Variants in SLC24A2 observed in about 807,000 individuals in gnomAD.
SLC24A2 encodes sodium/potassium/calcium exchanger 2.
SLC24A2 carries 36 observed loss-of-function variants against 62.0 expected under a neutral mutation model. The observed-to-expected ratio is 0.58, with a 90% CI of 0.44 to 0.77. The LOEUF is 0.77. Ranked by LOEUF, SLC24A2 falls within the 30% of genes least tolerant of loss-of-function variation. SLC24A2 has a pLI of 0.00. For synonymous variants in SLC24A2, 358 were observed against 294.0 expected (o/e 1.22, Z -2.23); for missense variants, 846 against 817.9 (o/e 1.03, Z -0.42).
chr9:20,190,700 A>T, the SLC24A2 span, among the ~76,000 whole-genome samples: 1 of 152,206 alleles, frequency 6.6e-6, no homozygotes, highest in South Asian at 2.1e-4. Context: ...TTTCTGTATT[A>T]GTCATGAGCT....
At chr9:20,199,464 G>T in the SLC24A2 span, among the ~76,000 whole-genome samples, 2 of 152,028 alleles carry the variant, frequency 1.3e-5, no homozygotes, top group African/African-American at 2.4e-5. Flanking sequence ...GCATCTGGGG[G>T]GTGTCCTAAT....
At chr9:20,244,077 C>T in the SLC24A2 span, among the ~76,000 whole-genome samples, 3 of 152,178 alleles carry the variant, frequency 2.0e-5, no homozygotes, top group African/African-American at 7.2e-5. Flanking sequence ...AAAGTTAATC[C>T]ATGGAGTCTG....
chr9:20,164,172 A>C, the SLC24A2 span, among the ~76,000 whole-genome samples: 1 of 152,320 alleles, frequency 6.6e-6, no homozygotes, highest in East Asian at 1.9e-4. Context: ...CAGCAAAAGA[A>C]GCTACCATCC....
chr9:19,762,540 T>C (rs1822369410), intron 2 of SLC24A2, among the ~76,000 whole-genome samples: 1 of 152,334 alleles, frequency 6.6e-6, no homozygotes, highest in African/African-American at 2.4e-5. Context: ...TAGCCAGTTT[T>C]CCCAACACCA....
At chr9:20,107,509 G>GGAACA in the SLC24A2 span, among the ~76,000 whole-genome samples, 1 of 152,026 alleles carries the variant, frequency 6.6e-6, no homozygotes, top group Non-Finnish European at 1.5e-5. Flanking sequence ...ATAGATCAAT[G>GGAACA]GAACAGAACA....
the SLC24A2 span, among the ~76,000 whole-genome samples, chr9:20,016,725 C>T: frequency 1.6e-3 from 242 of 152,118 alleles, no homozygotes; most frequent in African/African-American, 5.7e-3. Context: ...AAACCTACAA[C>T]TACACACACA....
chr9:19,715,150 T>G (rs1473744576), intron 2 of SLC24A2, among the ~76,000 whole-genome samples: 1 of 152,182 alleles, frequency 6.6e-6, no homozygotes, highest in Admixed American at 6.5e-5. Context: ...TTTGAAGTAT[T>G]TCCCAATGTC....
chr9:19,531,301 A>C (rs1038595824), intron 8 of SLC24A2, among the ~76,000 whole-genome samples: 1 of 152,184 alleles, frequency 6.6e-6, no homozygotes, highest in Admixed American at 6.5e-5. Context: ...ATCTCTGCCC[A>C]GTAGCAACTG....
chr9:20,030,832 G>A, the SLC24A2 span, among the ~76,000 whole-genome samples: 1 of 152,198 alleles, frequency 6.6e-6, no homozygotes, highest in African/African-American at 2.4e-5. Flanking sequence ...AGAGTGGAGA[G>A]AGATGAGGAA....
the SLC24A2 span, among the ~76,000 whole-genome samples, chr9:20,160,879 C>T: frequency 6.0e-5 from 9 of 149,276 alleles, no homozygotes; most frequent in East Asian, 2.0e-4. Context: ...AAAGAAAACA[C>T]AAAAAAGATC....
At chr9:19,595,516 G>A (rs1446973692) in intron 5 of SLC24A2, among the ~76,000 whole-genome samples, 2 of 152,178 alleles carry the variant, frequency 1.3e-5, no homozygotes, top group Non-Finnish European at 2.9e-5. Context: ...GTTTTGCTCA[G>A]GGCCAGCCAT....
intron 2 of SLC24A2, among the ~76,000 whole-genome samples, chr9:19,644,728 TG>T (rs1380773973): frequency 6.7e-6 from 1 of 149,850 alleles, no homozygotes; most frequent in African/African-American, 2.6e-5. Flanking sequence ...AACAAGTTCA[TG>T]TTTTTTTTTA....
At chr9:20,224,547 C>T in the SLC24A2 span, among the ~76,000 whole-genome samples, 7 of 152,064 alleles carry the variant, frequency 4.6e-5, no homozygotes, top group Admixed American at 2.0e-4. Context: ...GTTATATCTG[C>T]TATTGTAGAA....
the SLC24A2 span, among the ~76,000 whole-genome samples, chr9:20,030,849 A>C: frequency 2.0e-5 from 3 of 152,158 alleles, no homozygotes; most frequent in Admixed American, 6.5e-5. Flanking sequence ...GGAAGTTGCA[A>C]ATGTAGTATC....
the SLC24A2 span, among the ~76,000 whole-genome samples, chr9:20,103,011 G>C: frequency 6.6e-6 from 1 of 152,158 alleles, no homozygotes; most frequent in East Asian, 1.9e-4. Context: ...GCGCTTTTCC[G>C]ATGGGCTTAA....
the SLC24A2 span, among the ~76,000 whole-genome samples, chr9:19,882,697 A>G: frequency 6.6e-6 from 1 of 151,480 alleles, no homozygotes; most frequent in African/African-American, 2.4e-5. Context: ...ATAGGTTTCC[A>G]CCACCCAGTC....
At chr9:19,930,628 G>A in the SLC24A2 span, among the ~76,000 whole-genome samples, 2 of 152,164 alleles carry the variant, frequency 1.3e-5, no homozygotes, top group Non-Finnish European at 2.9e-5. Context: ...TTTGTGGGAA[G>A]CAATGGATGC....
chr9:20,063,674 T>C, the SLC24A2 span, among the ~76,000 whole-genome samples: 1 of 152,120 alleles, frequency 6.6e-6, no homozygotes, highest in Non-Finnish European at 1.5e-5. Context: ...GACTTGTATC[T>C]AGAATATAAA....
At chr9:20,145,772 C>T in the SLC24A2 span, among the ~76,000 whole-genome samples, 921 of 151,954 alleles carry the variant, frequency 6.1e-3, 11 homozygotes, top group African/African-American at 0.019. Flanking sequence ...ATTTGATATA[C>T]AAGCACATAT....
Sources: gnomAD v4.1 joint callset for allele counts (sites outside exome capture counted in the v4.1 genomes callset) on GRCh38, gnomAD v4.1.1 for gene constraint, MANE v1.5 for transcripts, NCBI Gene and HGNC (gene_info 2026-07-23, HGNC 2026-07-21) for gene names.